MCU: variants seen among roughly 807,000 people sequenced by gnomAD.
MCU encodes mitochondrial calcium uniporter, also known as calcium uniporter protein, mitochondrial.
Under a neutral mutation model 45.2 loss-of-function variants are expected in MCU, and 12 were observed. The observed-to-expected ratio is 0.27, with a 90% CI of 0.17 to 0.43. MCU has a LOEUF of 0.43. MCU is among the 20% of genes least tolerant of loss of function. MCU has a pLI of 1.00. For missense variants in MCU, 324 were observed against 436.7 expected, an observed-to-expected ratio of 0.74 and a Z score of 2.30; for synonymous variants, 160 against 165.1, an observed-to-expected ratio of 0.97 and a Z score of 0.24.
intron 1 of MCU, among the ~76,000 whole-genome samples, chr10:72,804,281 G>T (rs563734119): frequency 8.0e-5 from 12 of 150,938 alleles, no homozygotes; most frequent in Non-Finnish European, 1.6e-4. Context: ...TAGAGACAGG[G>T]TTTCACCATG....
intron 4 of MCU, 127 bp from the exon 5 acceptor site, chr10:72,868,576 T>G: frequency 1.3e-6 from 1 of 750,732 alleles, no homozygotes; most frequent in Non-Finnish European, 2.1e-6. Context: ...AAGAGAGCTA[T>G]TACTTTCCTT....
At position 72,871,375 on chromosome 10, in the gene MCU, A is replaced by C. The variant is rs1464469041; in HGVS notation, c.658-2A>C. 6.2e-7 allele frequency: 1 copy of C among 1,613,742 alleles called. No homozygotes were observed. Among genetic ancestry groups the C allele is most frequent in the Non-Finnish European group, 8.5e-7 (1 of 1,179,750 alleles). ...TGCCTTATGATTATGTGTGCCCAAT[A>C]GGTACGAATTGAGATTAGCAGAAAA... On this transcript the variant is annotated splice_acceptor_variant, in intron 5 of 7. Coordinates refer to ENST00000373053, the MANE Select transcript of MCU (RefSeq NM_138357.3). LOFTEE classifies it high-confidence loss of function.
intron 1 of MCU, among the ~76,000 whole-genome samples, chr10:72,832,098 ACT>A (rs1381165651): frequency 1.3e-5 from 2 of 151,972 alleles, no homozygotes; most frequent in Admixed American, 6.6e-5. Flanking sequence ...ATGAGGTCTC[ACT>A]CTGTTGCCCA....
At position 72,692,611 on chromosome 10, in the gene MCU, C is replaced by T. The variant is rs113656820; in HGVS notation, c.150+310C>T. On this transcript the variant is annotated intron_variant, in intron 1 of 7. Coordinates refer to ENST00000373053, the MANE Select transcript of MCU (RefSeq NM_138357.3). ...CCCCGACTCGCCCCCAATCGCGTTC[C>T]CTCCCTTCTTCGTTCTTAACAGCCC... is the stretch of plus-strand genomic sequence containing the variant. 9.0e-4 allele frequency: 992 copies of T among 1,100,180 alleles called. 7 individuals are homozygous for T. The African/African-American group carries it at 0.015, about 17-fold the overall frequency. The allele number at this position is 1,100,180 out of a possible 1,614,324, so 68.2% of individuals were successfully genotyped here.
rs963161624 is a variant in MCU, at chr10:72,724,358, A to T, written c.150+32057A>T. On this transcript the variant is annotated intron_variant, in intron 1 of 7. Coordinates refer to ENST00000373053, the MANE Select transcript of MCU (RefSeq NM_138357.3). The stretch of plus-strand genomic sequence containing the variant: ...CGTATAAGTGAAGTGAGATTCTTTT[A>T]AAAGTACTGTCTTTCCCTTTGCTGT... Among the ~76,000 whole-genome samples, 5 of 152,194 alleles carry T rather than the reference A, an allele frequency of 3.3e-5. No homozygotes were observed. The East Asian group carries it at 9.6e-4, about 29-fold the overall frequency.
intron 6 of MCU, among the ~76,000 whole-genome samples, chr10:72,881,071 A>C (rs952843674): frequency 6.6e-6 from 1 of 152,164 alleles, no homozygotes; most frequent in African/African-American, 2.4e-5. Flanking sequence ...TTGAGGCTGC[A>C]TTGAGCTATG....
rs1474252109 is a variant in MCU, at chr10:72,751,341, C to CTTCTTTTTTTTTTTT, written c.150+59042_150+59043insCTTTTTTTTTTTTTT. 2.2e-4 allele frequency among the ~76,000 whole-genome samples: 10 copies of CTTCTTTTTTTTTTTT among 44,754 alleles called. 1 individual carries two copies. Among genetic ancestry groups the CTTCTTTTTTTTTTTT allele is most frequent in the African/African-American group, 8.4e-4 (10 of 11,940 alleles). 29.4% of individuals were successfully genotyped at this position (44,754 alleles called of 152,430 possible). On this transcript the variant is annotated intron_variant, in intron 1 of 7. Coordinates refer to ENST00000373053, the MANE Select transcript of MCU (RefSeq NM_138357.3). ...TTTTCTCTAACATCTTCTTCTTCTTCTTTTTTTTTTTTTTTTTTTTTTTTT... is the reference window on the plus strand; with the variant it reads ...TTTTCTCTAACATCTTCTTCTTCTTCTTCTTTTTTTTTTTTTTTTTTTTTTTTTTTTTTTTTTTTT...
intron 1 of MCU, among the ~76,000 whole-genome samples, chr10:72,818,562 A>G (rs1301474227): frequency 1.3e-5 from 2 of 152,072 alleles, no homozygotes; most frequent in Non-Finnish European, 2.9e-5. Context: ...TGACTCAACC[A>G]GGTGTGGTGG....
At chr10:72,832,593 A>G (rs921927520) in intron 1 of MCU, among the ~76,000 whole-genome samples, 3 of 152,242 alleles carry the variant, frequency 2.0e-5, no homozygotes, top group African/African-American at 7.2e-5. Flanking sequence ...GGAAAGACTT[A>G]ACAAGATTCT....
intron 6 of MCU, among the ~76,000 whole-genome samples, chr10:72,883,787 C>G (rs1183079338): frequency 6.6e-6 from 1 of 152,102 alleles, no homozygotes; most frequent in Non-Finnish European, 1.5e-5. Flanking sequence ...TTTCACAAAC[C>G]TAATACTGAG....
intron 1 of MCU, among the ~76,000 whole-genome samples, chr10:72,801,148 C>T (rs994402385): frequency 6.6e-6 from 1 of 152,002 alleles, no homozygotes; most frequent in Non-Finnish European, 1.5e-5. Context: ...TGTATTTTCA[C>T]TAATTTGTGG....
chr10:72,693,189 TGTGTGTGTGTGA>T, intron 1 of MCU: 1 of 928,292 alleles, frequency 1.1e-6, no homozygotes, highest in African/African-American at 1.6e-5. Flanking sequence ...TGTGTGTGTG[TGTGTGTGTGTGA>T]GAGAGAGAGA....
intron 1 of MCU, among the ~76,000 whole-genome samples, chr10:72,817,127 G>A (rs908637919): frequency 2.0e-5 from 3 of 152,104 alleles, no homozygotes; most frequent in African/African-American, 7.2e-5. Context: ...AATTTCTGTG[G>A]CATCAAATAT....
intron 1 of MCU, among the ~76,000 whole-genome samples, chr10:72,707,648 T>TGTGTGTGTGTGTGTG (rs1564534353): frequency 3.7e-5 from 4 of 107,042 alleles, no homozygotes; most frequent in African/African-American, 2.0e-4. Context: ...TGTGTGTGTG[T>TGTGTGTGTGTGTGTG]TTCCCACCAA....
intron 2 of MCU, among the ~76,000 whole-genome samples, chr10:72,854,555 A>G (rs1380024142): frequency 6.6e-6 from 1 of 152,218 alleles, no homozygotes; most frequent in East Asian, 1.9e-4. Flanking sequence ...AAGTGATATT[A>G]TATTATTTGA....
chr10:72,789,190 T>C (rs1178821571), intron 1 of MCU, among the ~76,000 whole-genome samples: 1 of 152,132 alleles, frequency 6.6e-6, no homozygotes, highest in Non-Finnish European at 1.5e-5. Context: ...GAAAATGAGA[T>C]TGAATGGCTA....
At chr10:72,732,749 A>G (rs532922299) in intron 1 of MCU, among the ~76,000 whole-genome samples, 6 of 152,290 alleles carry the variant, frequency 3.9e-5, no homozygotes, top group African/African-American at 1.4e-4. Flanking sequence ...TATTTGTTTT[A>G]CCTTTCCTCA....
chr10:72,805,178 T>TTCC (rs1712222867), intron 1 of MCU, among the ~76,000 whole-genome samples: 1 of 140,436 alleles, frequency 7.1e-6, no homozygotes. Flanking sequence ...TCTCTCTCTC[T>TTCC]TTCCTTCCTT....
Position 72,839,178 on chromosome 10 carries a change from G to A in MCU, c.220+4750G>A, listed in dbSNP as rs545980436. Among the ~76,000 whole-genome samples the A allele has an allele frequency of 2.9e-4, 44 of 151,914 alleles. 2 individuals are homozygous for A. The South Asian group carries it at 8.3e-3, about 29-fold the overall frequency. ...CTGATTTTTGTATTTTTAGTAGAGA[G>A]GGGGTTTCACCATGTTGGCCACGCT... On this transcript the variant is annotated intron_variant, in intron 2 of 7. Coordinates refer to ENST00000373053, the MANE Select transcript of MCU (RefSeq NM_138357.3).
Sources: allele counts gnomAD v4.1 joint callset (sites outside exome capture counted in the v4.1 genomes callset), GRCh38; gene constraint gnomAD v4.1.1; transcripts MANE v1.5; gene names NCBI Gene and HGNC (gene_info 2026-07-23, HGNC 2026-07-21).